TRPM6: variants seen among roughly 807,000 people sequenced by gnomAD.
The protein encoded by TRPM6 is channel kinase 2.
Under a neutral mutation model 247.6 loss-of-function variants are expected in TRPM6, and 111 were observed. The ratio of observed to expected loss-of-function variants is 0.45; its 90% CI spans 0.38 to 0.52. The LOEUF (loss-of-function observed/expected upper bound fraction) is 0.52, where lower values mean the gene tolerates loss of function less well. Among genes scored for constraint, TRPM6 ranks in the 20% least tolerant of loss-of-function variants. The pLI, the probability that TRPM6 is intolerant of heterozygous loss-of-function variation, is 0.00. For synonymous variants in TRPM6, 892 were observed against 853.8 expected (o/e 1.04, Z -0.78); for missense variants, 2,126 against 2,421.5 (o/e 0.88, Z 2.56).
chr9:74,882,446 A>G (rs1210391936), intron 1 of TRPM6, among the ~76,000 whole-genome samples: 1 of 152,234 alleles, frequency 6.6e-6, no homozygotes, highest in African/African-American at 2.4e-5. Flanking sequence ...AAGAGTGGGC[A>G]AAGGACATGA....
intron 37 of TRPM6, among the ~76,000 whole-genome samples, chr9:74,731,517 C>T (rs1825520394): frequency 6.6e-6 from 1 of 151,690 alleles, no homozygotes; most frequent in Admixed American, 6.6e-5. Flanking sequence ...TCTAGTTCAC[C>T]TAGTCCAATT....
chr9:74,733,078 C>G (rs1825576955), intron 36 of TRPM6, among the ~76,000 whole-genome samples: 1 of 151,954 alleles, frequency 6.6e-6, no homozygotes, highest in South Asian at 2.1e-4. Flanking sequence ...CCTGTAATCT[C>G]AGCTACTCGG....
At chr9:74,867,173 G>C (rs955876745) in intron 1 of TRPM6, among the ~76,000 whole-genome samples, 7 of 152,202 alleles carry the variant, frequency 4.6e-5, no homozygotes, top group Admixed American at 1.3e-4. Flanking sequence ...AAAAGGGAGA[G>C]TATTTTAATG....
At chr9:74,829,561 C>G (rs760843121) in intron 6 of TRPM6, among the ~76,000 whole-genome samples, 8 of 152,030 alleles carry the variant, frequency 5.3e-5, no homozygotes, top group Non-Finnish European at 1.2e-4. Context: ...GATGATGATA[C>G]TGATAATTTT....
At position 74,742,601 on chromosome 9, in the gene TRPM6, C is replaced by T; in HGVS notation, c.5160G>A (p.Arg1720=). 1 of 1,613,876 alleles carries T rather than the reference C, an allele frequency of 6.2e-7. No individual in the cohort carries two copies. Residue 1720 remains arginine, a synonymous_variant, in exon 33 of 39, where the codon AGG becomes AGA. Coordinates refer to ENST00000360774, the MANE Select transcript of TRPM6 (RefSeq NM_017662.5). ...YSAIERNNLM[R]LSQTIPFTPV... The stretch of plus-strand genomic sequence containing the variant: ...GTGTAAATGGTATGGTCTGAGAAAG[C>T]CTCATTAAATTATTCCTTTCAATGG...
At chr9:74,846,601 G>A (rs1488417405) in intron 3 of TRPM6, among the ~76,000 whole-genome samples, 2 of 151,960 alleles carry the variant, frequency 1.3e-5, no homozygotes, top group African/African-American at 4.8e-5. Context: ...CTGGAATGCA[G>A]TGTGACATGA....
At chr9:74,786,506 G>A (rs528823942) in intron 20 of TRPM6, among the ~76,000 whole-genome samples, 18 of 152,212 alleles carry the variant, frequency 1.2e-4, no homozygotes, top group Middle Eastern at 6.8e-3. Context: ...TTGGGAGGCC[G>A]AGGCAGGTGG....
At chr9:74,836,657 T>C (rs1476229808) in intron 5 of TRPM6, among the ~76,000 whole-genome samples, 1 of 152,246 alleles carries the variant, frequency 6.6e-6, no homozygotes, top group East Asian at 1.9e-4. Context: ...CTATTCATCC[T>C]GCTGTTCAAA....
At chr9:74,798,168 G>A (rs1200628470) in intron 17 of TRPM6, among the ~76,000 whole-genome samples, 3 of 151,920 alleles carry the variant, frequency 2.0e-5, no homozygotes, top group Non-Finnish European at 4.4e-5. Context: ...GTAGGCCTTA[G>A]TATTCTGGTA....
chr9:74,823,116 G>A (rs1292634091), intron 7 of TRPM6, among the ~76,000 whole-genome samples: 1 of 152,098 alleles, frequency 6.6e-6, no homozygotes, highest in Non-Finnish European at 1.5e-5. Context: ...AAGAAAATTT[G>A]GCAAGCAATG....
intron 32 of TRPM6, 116 bp downstream of exon 32, chr9:74,743,979 A>C (rs557416219): frequency 9.8e-7 from 1 of 1,024,452 alleles, no homozygotes; most frequent in African/African-American, 1.6e-5. Context: ...GTGAACAATA[A>C]CTTTTCAAGT....
In TRPM6 at chr9:74,808,081, T is replaced by C. The variant is rs781023614; in HGVS notation, c.1591A>G (p.Arg531Gly). 1.1e-5 allele frequency: 17 copies of C among 1,613,924 alleles called. No individual in the cohort carries two copies. The highest frequency in any genetic ancestry group is 1.2e-5 in the Non-Finnish European group (14 of 1,179,960). ...IGRAYRSNYT[R>G]KHFRALYNNL... The stretch of plus-strand genomic sequence containing the variant: ...TTGTAGAGGGCTCTGAAATGTTTTC[T>C]AGTGTAGTTGCTGCGATATGCTCTA... The change falls in exon 14 of 39, where the codon AGA becomes GGA. Residue 531 changes from arginine (R) to glycine (G), a missense_variant. This residue lies in a region of TRPM6 where 1,082 missense variants were observed against 1,307.9 expected (regional missense o/e 0.83). Coordinates refer to ENST00000360774, the MANE Select transcript of TRPM6 (RefSeq NM_017662.5).
In TRPM6 at chr9:74,821,913, C is replaced by A. The variant is rs537960986; in HGVS notation, c.842-76G>T. 16 of 1,528,722 alleles carry A rather than the reference C, an allele frequency of 1.0e-5. No individual in the cohort carries two copies. The African/African-American group carries it at 2.0e-4, about 20-fold the overall frequency. 94.7% of individuals were successfully genotyped at this position (1,528,722 alleles called of 1,614,324 possible). A position where few individuals can be genotyped will look rare whatever the true frequency, so the allele number is the denominator to read the frequency against. On this transcript the variant is annotated intron_variant, in intron 7 of 38. Transcript: ENST00000360774. ...CCAGTCGGCCGTTTTGACTTCCAGA[C>A]ACAAGTCTCTCAATTACCACCTATG...
At chr9:74,735,917 G>C (rs982022498) in intron 36 of TRPM6, among the ~76,000 whole-genome samples, 4 of 152,188 alleles carry the variant, frequency 2.6e-5, no homozygotes, top group African/African-American at 9.7e-5. Flanking sequence ...AACTGCTCGA[G>C]TATTTCACAC....
At chr9:74,859,588 C>A (rs7023633) in intron 1 of TRPM6, among the ~76,000 whole-genome samples, 3,131 of 152,134 alleles carry the variant, frequency 0.021, 104 homozygotes, top group African/African-American at 0.069. Context: ...GCCTGGCCAT[C>A]ATGGTGAAAC....
chr9:74,872,600 T>TTGTGTGTGTGTGTGTGTGTG (rs59577843), intron 1 of TRPM6, among the ~76,000 whole-genome samples: 4 of 150,090 alleles, frequency 2.7e-5, no homozygotes, highest in African/African-American at 9.8e-5. Context: ...CCAGCAAATT[T>TTGTGTGTGTGTGTGTGTGTG]TGTGTGTGTG....
chr9:74,734,672 C>A (rs1225422938), intron 36 of TRPM6, among the ~76,000 whole-genome samples: 6 of 152,124 alleles, frequency 3.9e-5, no homozygotes, highest in African/African-American at 1.4e-4. Flanking sequence ...TATTATTTTT[C>A]TCCTATCAAG....
intron 6 of TRPM6, among the ~76,000 whole-genome samples, chr9:74,831,492 G>A (rs1829545446): frequency 6.6e-6 from 1 of 151,296 alleles, no homozygotes; most frequent in African/African-American, 2.4e-5. Context: ...TCCATCTCTG[G>A]GAAAAAAATA....
chr9:74,763,248 G>T, intron 25 of TRPM6, 114 bp from the exon 26 acceptor site: 1 of 1,000,040 alleles, frequency 1.0e-6, no homozygotes, highest in Non-Finnish European at 1.5e-6. Flanking sequence ...TGCTTCCCTA[G>T]GTTAAGTCTG....
Sources: allele counts gnomAD v4.1 joint callset (sites outside exome capture counted in the v4.1 genomes callset), GRCh38; gene constraint gnomAD v4.1.1; regional missense constraint gnomAD v4.1.1; transcripts MANE v1.5; gene names NCBI Gene and HGNC (gene_info 2026-07-23, HGNC 2026-07-21).